The following IL1RAPL1 variants were observed in gnomAD, a reference collection of about 807,000 sequenced individuals.
The protein encoded by IL1RAPL1 is interleukin-1 receptor accessory protein-like 1.
In IL1RAPL1, 3 loss-of-function variants were observed where a neutral mutation model predicts 48.4. That is an observed-to-expected ratio of 0.06 (90% CI 0.03 to 0.16). IL1RAPL1 has a LOEUF of 0.16. IL1RAPL1 is among the 10% of genes least tolerant of loss of function. IL1RAPL1 has a pLI of 1.00. For synonymous variants in IL1RAPL1, 185 were observed against 187.7 expected, an observed-to-expected ratio of 0.99 and a Z score of 0.12; for missense variants, 349 against 530.6, an observed-to-expected ratio of 0.66 and a Z score of 3.36.
intron 5 of IL1RAPL1, among the ~76,000 whole-genome samples, chrX:29,430,366 A>G (rs1052864352): frequency 9.0e-6 from 1 of 111,252 alleles, no homozygotes; most frequent in Non-Finnish European, 1.9e-5. Flanking sequence ...TAATTTTTCT[A>G]TGAAATGGAC....
chrX:29,176,085 CTTTTTTTTTTT>C (rs752040172), intron 2 of IL1RAPL1, among the ~76,000 whole-genome samples: 1 of 75,751 alleles, frequency 1.3e-5, no homozygotes, highest in Non-Finnish European at 2.5e-5. Context: ...TGGTAATTTG[CTTTTTTTTTTT>C]TTTTTTTTTC....
chrX:28,704,831 C>CACACACCAAAAAA (rs1368584299), intron 1 of IL1RAPL1, among the ~76,000 whole-genome samples: 1 of 29,652 alleles, frequency 3.4e-5, no homozygotes, highest in African/African-American at 1.6e-4. Flanking sequence ...CACACACACA[C>CACACACCAAAAAA]AAAAAAAAAA....
intron 1 of IL1RAPL1, among the ~76,000 whole-genome samples, chrX:28,742,280 A>C (rs1935917602): frequency 9.0e-6 from 1 of 111,477 alleles, no homozygotes; most frequent in Non-Finnish European, 1.9e-5. Context: ...AATGCCAGAC[A>C]AGACGGCAAC....
At chrX:29,885,663 A>T (rs1723961626) in intron 6 of IL1RAPL1, among the ~76,000 whole-genome samples, 1 of 110,612 alleles carries the variant, frequency 9.0e-6, no homozygotes, top group African/African-American at 3.3e-5. Flanking sequence ...ATGAAAAAAT[A>T]AAAAAATCAG....
In IL1RAPL1 at chrX:29,024,716, A is replaced by G. The variant is rs1392404217; in HGVS notation, c.82+235291A>G. On this transcript the variant is annotated intron_variant, in intron 2 of 10. Transcript: ENST00000378993. ...CCGATTTAGTTCCTTAATGTCTTTA[A>G]TGTCAGTATCTATTATCCAGTCTTG... Among the ~76,000 whole-genome samples, 3 of 111,729 alleles carry G rather than the reference A, an allele frequency of 2.7e-5. No homozygotes were observed. The Admixed American group carries it at 2.9e-4, about 11-fold the overall frequency.
At chrX:28,800,167 A>ATCT (rs1228161726) in intron 2 of IL1RAPL1, among the ~76,000 whole-genome samples, 2 of 111,629 alleles carry the variant, frequency 1.8e-5, no homozygotes, top group African/African-American at 6.5e-5. Context: ...AGCTGCTACC[A>ATCT]TCTTCACATG....
intron 6 of IL1RAPL1, among the ~76,000 whole-genome samples, chrX:29,783,508 G>A (rs1929413273): frequency 8.9e-6 from 1 of 111,843 alleles, no homozygotes; most frequent in African/African-American, 3.3e-5. Flanking sequence ...CGGATTGGAT[G>A]TGGGCACTCA....
rs57923954 is a variant in IL1RAPL1 at position 28,831,026 on chromosome X, CTGTGTGTGTGTGTGTGTGTG to C, written c.82+41633_82+41652del. Among the ~76,000 whole-genome samples the C allele has an allele frequency of 1.8e-3, 60 of 33,633 alleles. 1 individual carries two copies. Among genetic ancestry groups the C allele is most frequent in the South Asian group, 0.012 (6 of 494 alleles). The allele number at this position is 33,633 out of a possible 115,157, so 29.2% of individuals were successfully genotyped here. ...TCTCTCTCTCTCTCTCTCTCTCTCT[CTGTGTGTGTGTGTGTGTGTG>C]TGTGTGTGTGTGTGTGTGTGTGTGT... On this transcript the variant is annotated intron_variant, in intron 2 of 10. Transcript: ENST00000378993.
chrX:29,807,111 T>C (rs1007477031), intron 6 of IL1RAPL1, among the ~76,000 whole-genome samples: 4 of 110,866 alleles, frequency 3.6e-5, no homozygotes, highest in Admixed American at 9.7e-5. Context: ...AAGAATGGCC[T>C]AATACAATAT....
At chrX:28,829,875 T>A (rs1921005219) in intron 2 of IL1RAPL1, among the ~76,000 whole-genome samples, 1 of 111,253 alleles carries the variant, frequency 9.0e-6, no homozygotes, top group Non-Finnish European at 1.9e-5. Flanking sequence ...TTTTCAGATT[T>A]TTTTTTTCAT....
rs761755979 is a variant in IL1RAPL1 at position 28,734,924 on chromosome X, A to G, written c.-24-54396A>G. Among the ~76,000 whole-genome samples, 3 of 112,260 alleles carry G rather than the reference A, an allele frequency of 2.7e-5. No homozygotes were observed. The South Asian group carries it at 1.1e-3, about 41-fold the overall frequency. Reference sequence around the variant, plus strand: ...AGATCTTATGCAAGATACCTGCATGATATAGGCAGTGAACATCATCTGCTA... The same window carrying G: ...AGATCTTATGCAAGATACCTGCATGGTATAGGCAGTGAACATCATCTGCTA... On this transcript the variant is annotated intron_variant, in intron 1 of 10. Transcript: ENST00000378993.
At chrX:29,895,000 T>A (rs146009013) in intron 6 of IL1RAPL1, among the ~76,000 whole-genome samples, 1 of 108,801 alleles carries the variant, frequency 9.2e-6, no homozygotes, top group Non-Finnish European at 1.9e-5. Context: ...ATTTTTGTAT[T>A]TTCAGTAGAG....
intron 6 of IL1RAPL1, among the ~76,000 whole-genome samples, chrX:29,803,466 T>C (rs1458700810): frequency 1.0e-5 from 1 of 98,669 alleles, no homozygotes; most frequent in Non-Finnish European, 2.0e-5. Context: ...TATATATGTA[T>C]ATATGTATAC....
chrX:28,957,583 T>G (rs1924648524), intron 2 of IL1RAPL1, among the ~76,000 whole-genome samples: 2 of 111,402 alleles, frequency 1.8e-5, no homozygotes. Context: ...CAGCCTCAAT[T>G]TGTTAGTGTT....
chrX:28,629,639 A>G (rs1442055663), intron 1 of IL1RAPL1, among the ~76,000 whole-genome samples: 1 of 112,239 alleles, frequency 8.9e-6, no homozygotes, highest in African/African-American at 3.2e-5. Context: ...TAAAGATGGT[A>G]GATGCTGTCT....
chrX:29,760,573 G>A (rs1056545645), intron 6 of IL1RAPL1, among the ~76,000 whole-genome samples: 1 of 111,634 alleles, frequency 9.0e-6, no homozygotes, highest in Non-Finnish European at 1.9e-5. Context: ...CTAGCAAATC[G>A]GAATACCTGT....
Position 28,925,065 on chromosome X carries a change from A to G in IL1RAPL1, c.82+135640A>G, listed in dbSNP as rs1923707396. On this transcript the variant is annotated intron_variant, in intron 2 of 10. Coordinates refer to ENST00000378993, the MANE Select transcript of IL1RAPL1 (RefSeq NM_014271.4). Reference sequence around the variant, plus strand: ...TGAAAAACTTAACACAATCCATGTAAAGAAGAAACAAAAATATACTTGTAA... The same window carrying G: ...TGAAAAACTTAACACAATCCATGTAGAGAAGAAACAAAAATATACTTGTAA... 1.8e-5 allele frequency among the ~76,000 whole-genome samples: 2 copies of G among 111,594 alleles called. 1 individual carries two copies. Among genetic ancestry groups the G allele is most frequent in the South Asian group, 7.4e-4 (2 of 2,688 alleles).
chrX:28,897,832 TG>T (rs1922969978), intron 2 of IL1RAPL1, among the ~76,000 whole-genome samples: 1 of 110,376 alleles, frequency 9.1e-6, no homozygotes, highest in Non-Finnish European at 1.9e-5. Context: ...GGAGTTGGGG[TG>T]GGGCTGTTTT....
At chrX:28,725,111 C>T (rs1033800012) in intron 1 of IL1RAPL1, among the ~76,000 whole-genome samples, 4 of 109,388 alleles carry the variant, frequency 3.7e-5, no homozygotes, top group Admixed American at 9.9e-5. Flanking sequence ...GCACCACGCC[C>T]GGCTAATTTT....
Sources: gnomAD v4.1 joint callset for allele counts (sites outside exome capture counted in the v4.1 genomes callset) on GRCh38, gnomAD v4.1.1 for gene constraint, MANE v1.5 for transcripts, NCBI Gene and HGNC (gene_info 2026-07-23, HGNC 2026-07-21) for gene names.